SPATA13: variants seen among roughly 807,000 people sequenced by gnomAD.
The protein encoded by SPATA13 is spermatogenesis-associated protein 13.
SPATA13 carries 50 observed loss-of-function variants against 104.0 expected under a neutral mutation model. The ratio of observed to expected loss-of-function variants is 0.48; its 90% CI spans 0.38 to 0.61. SPATA13 has a LOEUF of 0.61. Ranked by LOEUF, SPATA13 falls within the 20% of genes least tolerant of loss-of-function variation. SPATA13 has a pLI of 0.00. For synonymous variants in SPATA13, 606 were observed against 667.5 expected, an observed-to-expected ratio of 0.91 and a Z score of 1.42; for missense variants, 1,524 against 1,690.6, an observed-to-expected ratio of 0.90 and a Z score of 1.73.
chr13:24,251,405 C>T, intron 3 of SPATA13: 1 of 910,490 alleles, frequency 1.1e-6, no homozygotes, highest in Non-Finnish European at 1.3e-6. Flanking sequence ...GTGACAACTC[C>T]ACTGCTTCCT....
chr13:24,221,978 A>G (rs1021371796), intron 1 of SPATA13, among the ~76,000 whole-genome samples: 2 of 152,010 alleles, frequency 1.3e-5, no homozygotes, highest in Admixed American at 1.3e-4. Context: ...ACGCCTGGCT[A>G]ATTTTTGAAT....
Position 24,284,473 on chromosome 13 carries a change from CAACATAGTGA to C in SPATA13, c.2301+206_2301+215del, listed in dbSNP as rs553389949. Among the ~76,000 whole-genome samples the C allele has an allele frequency of 1.2e-4, 19 of 152,190 alleles. No individual in the cohort carries two copies. In the East Asian group the frequency reaches 3.3e-3, roughly 26 times the overall value. ...GTCAAGAGTTTAAGACCCGCCTGGCCAACATAGTGAAACCCTGTCTCTACTAAAAATACAA... is the reference window on the plus strand; with the variant it reads ...GTCAAGAGTTTAAGACCCGCCTGGCCAACCCTGTCTCTACTAAAAATACAA... On this transcript the variant is annotated intron_variant, in intron 5 of 12. Transcript: ENST00000382108.
At chr13:24,241,522 C>T (rs751799756) in intron 2 of SPATA13, among the ~76,000 whole-genome samples, 8 of 152,244 alleles carry the variant, frequency 5.3e-5, no homozygotes, top group Non-Finnish European at 8.8e-5. Context: ...GCATGGGTAA[C>T]GGGCTTTTAT....
At chr13:24,013,905 G>A (rs1280917055) in intron 2 of SPATA13, among the ~76,000 whole-genome samples, 5 of 152,094 alleles carry the variant, frequency 3.3e-5, no homozygotes, top group African/African-American at 1.2e-4. Context: ...AGCAGGTAAT[G>A]GACTGTAGGC....
At chr13:24,211,966 G>A (rs775124183) in intron 1 of SPATA13, among the ~76,000 whole-genome samples, 9 of 152,108 alleles carry the variant, frequency 5.9e-5, no homozygotes, top group Non-Finnish European at 1.3e-4. Context: ...TGCTCCCCAC[G>A]TGGCTGGAGC....
At chr13:24,122,887 G>T (rs1881085181) in intron 3 of SPATA13, 1 of 774,484 alleles carries the variant, frequency 1.3e-6, no homozygotes, top group East Asian at 2.4e-5. Context: ...GGAACGACCT[G>T]TAAGCAGATT....
rs10571334 is a variant in SPATA13 at position 24,233,886 on chromosome 13, A to AACACACACACACAC, written c.1653+9333_1653+9346dup. 2.0e-5 allele frequency among the ~76,000 whole-genome samples: 3 copies of AACACACACACACAC among 147,672 alleles called. No individual in the cohort carries two copies. The East Asian group carries it at 6.0e-4, about 30-fold the overall frequency. On this transcript the variant is annotated intron_variant, in intron 2 of 12. Coordinates refer to ENST00000382108, the MANE Select transcript of SPATA13 (RefSeq NM_001166271.3). ...CAGGCTACAGAACTTTATACACTTA[A>AACACACACACACAC]ACACACACACACACACACACACACA...
chr13:24,157,639 A>G, upstream of SPATA13, among the ~76,000 whole-genome samples: 1 of 152,154 alleles, frequency 6.6e-6, no homozygotes, highest in South Asian at 2.1e-4. Flanking sequence ...GGCGGAAGCC[A>G]TACGGGTTAC....
At chr13:24,136,405 G>A (rs1881568496) in intron 3 of SPATA13, among the ~76,000 whole-genome samples, 1 of 152,124 alleles carries the variant, frequency 6.6e-6, no homozygotes, top group Admixed American at 6.6e-5. Flanking sequence ...GAACCCAGGA[G>A]GCAGAGGTTG....
At chr13:24,062,744 A>G (rs1397188456) in intron 3 of SPATA13, among the ~76,000 whole-genome samples, 1 of 151,996 alleles carries the variant, frequency 6.6e-6, no homozygotes, top group Non-Finnish European at 1.5e-5. Flanking sequence ...GTGTATGTGC[A>G]CCGTGTCTGC....
intron 1 of SPATA13, among the ~76,000 whole-genome samples, chr13:24,179,129 T>TG (rs1259160967): frequency 6.6e-6 from 1 of 152,268 alleles, no homozygotes; most frequent in African/African-American, 2.4e-5. Flanking sequence ...CATTGCTGAA[T>TG]GATACTTCAT....
intron 2 of SPATA13, among the ~76,000 whole-genome samples, chr13:23,986,681 T>C (rs1160581284): frequency 2.0e-5 from 3 of 152,220 alleles, no homozygotes; most frequent in African/African-American, 4.8e-5. Flanking sequence ...CTTTTTGGTT[T>C]GCTCCTTTGT....
intron 2 of SPATA13, among the ~76,000 whole-genome samples, chr13:24,245,123 G>T (rs1873045708): frequency 6.6e-6 from 1 of 152,102 alleles, no homozygotes; most frequent in Admixed American, 6.5e-5. Context: ...GTGCATCCGT[G>T]GGCCCCGGCA....
At chr13:24,215,367 T>C (rs1871218479) in intron 1 of SPATA13, among the ~76,000 whole-genome samples, 1 of 152,200 alleles carries the variant, frequency 6.6e-6, no homozygotes, top group Admixed American at 6.5e-5. Context: ...TTTGAGAGGA[T>C]GAGACACTTG....
chr13:24,085,657 GC>G (rs974658106), intron 3 of SPATA13, among the ~76,000 whole-genome samples: 3 of 152,180 alleles, frequency 2.0e-5, no homozygotes, highest in Non-Finnish European at 4.4e-5. Context: ...CTTCCATGTG[GC>G]CCGACTCCCT....
intron 3 of SPATA13, among the ~76,000 whole-genome samples, chr13:24,079,826 C>T (rs1339290539): frequency 1.3e-5 from 2 of 152,182 alleles, no homozygotes; most frequent in African/African-American, 2.4e-5. Context: ...CCCATTTCGC[C>T]TCTCACCTTT....
chr13:24,174,104 TGA>T (rs1883112571), intron 1 of SPATA13, among the ~76,000 whole-genome samples: 1 of 152,206 alleles, frequency 6.6e-6, no homozygotes, highest in African/African-American at 2.4e-5. Flanking sequence ...ATTTCTCTTT[TGA>T]GGGTTTTGAA....
intron 3 of SPATA13, among the ~76,000 whole-genome samples, chr13:24,038,695 C>T (rs560752618): frequency 6.6e-6 from 1 of 152,264 alleles, no homozygotes; most frequent in East Asian, 1.9e-4. Flanking sequence ...CCCTCGCATC[C>T]AAACAACTCT....
chr13:24,024,226 C>T (rs1459848511), intron 3 of SPATA13, among the ~76,000 whole-genome samples: 1 of 152,176 alleles, frequency 6.6e-6, no homozygotes, highest in Non-Finnish European at 1.5e-5. Context: ...TCCACAGTTT[C>T]CTGATCCATG....
Sources: gnomAD v4.1 joint callset for allele counts (sites outside exome capture counted in the v4.1 genomes callset) on GRCh38, gnomAD v4.1.1 for gene constraint, MANE v1.5 for transcripts, NCBI Gene and HGNC (gene_info 2026-07-23, HGNC 2026-07-21) for gene names.